GSG1L: variants seen among roughly 807,000 people sequenced by gnomAD.
The protein encoded by GSG1L is GSG1 like, also known as germ cell-specific gene 1-like protein.
A neutral mutation model predicts 42.1 loss-of-function variants in GSG1L; 24 were observed. The observed-to-expected ratio is 0.57, with a 90% confidence interval of 0.41 to 0.80. The LOEUF (loss-of-function observed/expected upper bound fraction) is 0.80, where lower values mean the gene tolerates loss of function less well. GSG1L is among the 30% of genes least tolerant of loss of function. The pLI, the probability that GSG1L is intolerant of heterozygous loss-of-function variation, is 0.00. For synonymous variants in GSG1L, 215 were observed against 203.5 expected (o/e 1.06, Z -0.48); for missense variants, 445 against 472.2 (o/e 0.94, Z 0.53).
At chr16:27,888,472 CTCTCTCTTTCCTT>C (rs1567505801) in intron 2 of GSG1L, among the ~76,000 whole-genome samples, 1 of 61,770 alleles carries the variant, frequency 1.6e-5, no homozygotes. Context: ...TTCTCTCTCT[CTCTCTCTTTCCTT>C]TCTTTCTTTC....
intron 3 of GSG1L, among the ~76,000 whole-genome samples, chr16:27,869,849 ATCTC>A (rs1414426405): frequency 1.2e-4 from 3 of 24,332 alleles, no homozygotes; most frequent in East Asian, 1.2e-3. Context: ...CTCTCTCTCC[ATCTC>A]TCTCTGTCTC....
chr16:28,018,688 C>T (rs1596705377), intron 1 of GSG1L, among the ~76,000 whole-genome samples: 1 of 152,050 alleles, frequency 6.6e-6, no homozygotes, highest in East Asian at 1.9e-4. Context: ...CCACCTTCCC[C>T]CCACCCCCAG....
intron 1 of GSG1L, among the ~76,000 whole-genome samples, chr16:28,057,281 G>T (rs1165845313): frequency 6.6e-6 from 1 of 152,184 alleles, no homozygotes; most frequent in East Asian, 1.9e-4. Context: ...AGGAGCAGGG[G>T]GAGCTGCGGG....
chr16:27,879,026 T>C (rs1347704627), intron 3 of GSG1L, among the ~76,000 whole-genome samples: 1 of 150,992 alleles, frequency 6.6e-6, no homozygotes, highest in Admixed American at 6.7e-5. Flanking sequence ...AGGAATTTGA[T>C]CAGATATCAA....
chr16:28,059,120 C>T lies in GSG1L; in HGVS notation c.349+3956G>A, dbSNP rs1488976184. On this transcript the variant is annotated intron_variant, in intron 1 of 6. Transcript: ENST00000447459. The surrounding 1 kb of genome is among the most constrained non-coding windows in gnomAD (Gnocchi z 4.4). ...ACTCCCTGCCCTACGTCACCAAATC[C>T]TTGCATCTCCGGCGGGTGCTAGCTG... is the stretch of plus-strand genomic sequence containing the variant. Among the ~76,000 whole-genome samples the T allele has an allele frequency of 6.6e-6, 1 of 152,218 alleles. No individual in the cohort carries two copies. Among genetic ancestry groups the T allele is most frequent in the Non-Finnish European group, 1.5e-5 (1 of 68,026 alleles).
At chr16:27,848,923 C>T (rs911802927) in intron 3 of GSG1L, among the ~76,000 whole-genome samples, 29 of 151,962 alleles carry the variant, frequency 1.9e-4, no homozygotes, top group African/African-American at 3.9e-4. Context: ...GGGCCTGGTG[C>T]GGTGGCTCAC....
intron 1 of GSG1L, among the ~76,000 whole-genome samples, chr16:28,044,175 C>T (rs533890401): frequency 1.3e-5 from 2 of 151,470 alleles, no homozygotes; most frequent in East Asian, 3.9e-4. Flanking sequence ...TCAGGAGTTC[C>T]AGACCAGCCT....
intron 1 of GSG1L, among the ~76,000 whole-genome samples, chr16:28,036,267 C>T (rs571194614): frequency 1.4e-4 from 21 of 152,284 alleles, no homozygotes; most frequent in African/African-American, 4.1e-4. Flanking sequence ...TACCACCTCC[C>T]GAAGCTGCCT....
At chr16:28,027,898 G>A (rs369057893) in intron 1 of GSG1L, among the ~76,000 whole-genome samples, 2 of 152,120 alleles carry the variant, frequency 1.3e-5, no homozygotes, top group East Asian at 3.9e-4. Context: ...CAGCTACTTG[G>A]GGGGCTAAGG....
intron 2 of GSG1L, among the ~76,000 whole-genome samples, chr16:27,897,840 C>G (rs994054747): frequency 6.6e-6 from 1 of 152,224 alleles, no homozygotes; most frequent in African/African-American, 2.4e-5. Context: ...AGAGTCCACA[C>G]TACCAATCTC....
intron 5 of GSG1L, among the ~76,000 whole-genome samples, chr16:27,814,663 T>G (rs1597468254): frequency 3.3e-5 from 4 of 119,556 alleles, no homozygotes; most frequent in Admixed American, 2.2e-4. Context: ...CCAGCCTGGG[T>G]GACAGAGGGA....
chr16:27,821,459 A>G (rs1024310989), intron 5 of GSG1L, among the ~76,000 whole-genome samples: 1 of 151,712 alleles, frequency 6.6e-6, no homozygotes, highest in African/African-American at 2.4e-5. Context: ...GCAGTCCCCA[A>G]TGTCTGTTGT....
At chr16:27,844,450 T>C (rs567444923) in intron 4 of GSG1L, among the ~76,000 whole-genome samples, 33 of 152,190 alleles carry the variant, frequency 2.2e-4, no homozygotes, top group African/African-American at 7.5e-4. Context: ...CAACCTTCCA[T>C]AGCACGCCTC....
At chr16:27,874,441 C>CTTTTTTTTTT (rs71140916) in intron 3 of GSG1L, among the ~76,000 whole-genome samples, 1,376 of 94,192 alleles carry the variant, frequency 0.015, 276 homozygotes, top group East Asian at 0.033. Context: ...ACAGGAGAGC[C>CTTTTTTTTTT]TTTTTTTTTT....
At chr16:28,005,661 C>A (rs563185088) in intron 1 of GSG1L, among the ~76,000 whole-genome samples, 39 of 152,198 alleles carry the variant, frequency 2.6e-4, no homozygotes, top group South Asian at 8.3e-4. Context: ...CATCCCTTAA[C>A]CTCTCTGTGC....
chr16:27,998,980 T>TA (rs2085550671), intron 1 of GSG1L, among the ~76,000 whole-genome samples: 1 of 152,036 alleles, frequency 6.6e-6, no homozygotes, highest in South Asian at 2.1e-4. Flanking sequence ...GCCAGCACTT[T>TA]AAAAAAGTCC....
At chr16:27,811,030 T>C (rs1157610343) in intron 5 of GSG1L, among the ~76,000 whole-genome samples, 1 of 149,624 alleles carries the variant, frequency 6.7e-6, no homozygotes, top group African/African-American at 2.5e-5. Flanking sequence ...ATTTTCCTGA[T>C]AAAACAAGCT....
chr16:28,063,357 G>A lies in GSG1L; in HGVS notation c.68C>T (p.Ala23Val). 7.1e-7 allele frequency: 1 copy of A among 1,404,844 alleles called. No individual in the cohort carries two copies. Among genetic ancestry groups the A allele is most frequent in the Non-Finnish European group, 9.3e-7 (1 of 1,072,398 alleles). The allele number at this position is 1,404,844 out of a possible 1,614,324, so 87.0% of individuals were successfully genotyped here. ...VALNLLALLF[A>V]TTAFLTTHWC... ...GTGCGTGGTGAGGAAAGCGGTGGTG[G>A]CGAACAGCAGCGCCAGCAGGTTCAG... The change falls in exon 1 of 7, where the codon GCC becomes GTC. Residue 23 changes from alanine (A) to valine (V), a missense_variant. Ala to Val is a moderately conservative substitution (Grantham distance 64). This residue lies in a region of GSG1L where 156 missense variants were observed against 128.3 expected (regional missense o/e 1.22). Coordinates refer to ENST00000447459, the MANE Select transcript of GSG1L (RefSeq NM_001109763.2). This position sits in a 1 kb window ranked among gnomAD's most constrained non-coding sequence, Gnocchi z 5.8.
intron 3 of GSG1L, among the ~76,000 whole-genome samples, chr16:27,854,539 G>T (rs1164940377): frequency 1.3e-5 from 2 of 152,190 alleles, no homozygotes; most frequent in Non-Finnish European, 2.9e-5. Flanking sequence ...TTCCCAGTCT[G>T]AGTGAACAGT....
Sources: gnomAD v4.1 joint callset for allele counts (sites outside exome capture counted in the v4.1 genomes callset) on GRCh38, gnomAD v4.1.1 for gene constraint, gnomAD v4.1.1 regional missense constraint, Gnocchi (gnomAD v3.1) non-coding constraint, MANE v1.5 for transcripts, NCBI Gene and HGNC (gene_info 2026-07-23, HGNC 2026-07-21) for gene names.